MYO16: variants seen among roughly 807,000 people sequenced by gnomAD.
MYO16 encodes myosin XVI, also known as unconventional myosin-XVI.
MYO16 carries 94 observed loss-of-function variants against 205.3 expected under a neutral mutation model. That is an observed-to-expected ratio of 0.46 (90% CI 0.39 to 0.54). The LOEUF is 0.54. MYO16 is among the 20% of genes least tolerant of loss of function. The pLI is 0.00. For missense variants in MYO16, 2,315 were observed against 2,387.5 expected, an observed-to-expected ratio of 0.97 and a Z score of 0.63; for synonymous variants, 988 against 954.0, an observed-to-expected ratio of 1.04 and a Z score of -0.66.
intron 16 of MYO16, among the ~76,000 whole-genome samples, chr13:108,954,141 A>G (rs1883258059): frequency 6.6e-6 from 1 of 152,240 alleles, no homozygotes. Context: ...ATTCTAGGCT[A>G]AAAAGTAAAA....
At chr13:108,951,048 GT>G (rs1344303469) in intron 16 of MYO16, among the ~76,000 whole-genome samples, 1 of 120,306 alleles carries the variant, frequency 8.3e-6, no homozygotes, top group Non-Finnish European at 1.9e-5. Context: ...ACGTTTTTTT[GT>G]TTTTGTTTTT....
At chr13:109,176,667 C>G (rs7987496) in intron 33 of MYO16, among the ~76,000 whole-genome samples, 36,208 of 146,780 alleles carry the variant, frequency 0.25, 6,529 homozygotes, top group East Asian at 0.55. Flanking sequence ...CAAAATGTTA[C>G]TGCGTTGGCC....
At chr13:109,135,485 G>A (rs1325883846) in intron 31 of MYO16, among the ~76,000 whole-genome samples, 1 of 152,176 alleles carries the variant, frequency 6.6e-6, no homozygotes, top group Admixed American at 6.5e-5. Flanking sequence ...CCTTATCAGG[G>A]TTGTGTTGTT....
intron 14 of MYO16, among the ~76,000 whole-genome samples, chr13:108,891,626 T>A (rs889950960): frequency 6.6e-6 from 1 of 152,212 alleles, no homozygotes; most frequent in African/African-American, 2.4e-5. Context: ...GATTTCAAAG[T>A]GCGATATTGC....
intron 2 of MYO16, among the ~76,000 whole-genome samples, chr13:108,692,896 C>G (rs183014686): frequency 6.6e-6 from 1 of 152,228 alleles, no homozygotes; most frequent in East Asian, 1.9e-4. Context: ...AGCTCCGTCT[C>G]CATGGAGTCA....
At chr13:108,593,565 G>C (rs1878460040), upstream of MYO16, among the ~76,000 whole-genome samples, 3 of 152,278 alleles carry the variant, frequency 2.0e-5, no homozygotes, top group South Asian at 6.2e-4. Flanking sequence ...GGGAAATAAA[G>C]ACTATGGTTT....
At chr13:108,732,265 G>C (rs1236572588) in intron 4 of MYO16, among the ~76,000 whole-genome samples, 1 of 152,098 alleles carries the variant, frequency 6.6e-6, no homozygotes, top group Non-Finnish European at 1.5e-5. Context: ...GTACTCAAGG[G>C]AGTCAGCAGT....
chr13:108,627,381 C>A (rs1879783796), upstream of MYO16, among the ~76,000 whole-genome samples: 1 of 152,140 alleles, frequency 6.6e-6, no homozygotes. Context: ...TATCCTCCTT[C>A]AACTCCTCAA....
chr13:108,793,776 GGAAAACAC>G, intron 6 of MYO16, 136 bp downstream of exon 6: 2 of 1,014,772 alleles, frequency 2.0e-6, no homozygotes, highest in Non-Finnish European at 2.8e-6. Context: ...TAGAAGTTTT[GGAAAACAC>G]CTAAGTAAGC....
chr13:108,617,207 A>AT (rs1310227275), intron 1 of MYO16, among the ~76,000 whole-genome samples: 6 of 152,076 alleles, frequency 3.9e-5, no homozygotes, highest in Admixed American at 3.9e-4. Context: ...GGCCTGTGAG[A>AT]TCCCCAAGAG....
intron 1 of MYO16, among the ~76,000 whole-genome samples, chr13:108,648,605 A>G (rs1299008383): frequency 6.6e-6 from 1 of 151,562 alleles, no homozygotes; most frequent in Non-Finnish European, 1.5e-5. Flanking sequence ...AATACAAAAT[A>G]TAAACTCTTG....
At chr13:108,554,775 G>A in the MYO16 span, among the ~76,000 whole-genome samples, 1 of 149,452 alleles carries the variant, frequency 6.7e-6, no homozygotes, top group South Asian at 2.1e-4. Context: ...ACGTGAACCC[G>A]GGAAGCAGAG....
intron 15 of MYO16, among the ~76,000 whole-genome samples, chr13:108,901,579 C>A (rs370816481): frequency 6.6e-6 from 1 of 152,118 alleles, no homozygotes; most frequent in African/African-American, 2.4e-5. Flanking sequence ...GTTTATTTTT[C>A]TCTTATGGAA....
chr13:108,926,581 C>T (rs894673182), intron 16 of MYO16, among the ~76,000 whole-genome samples: 1 of 152,006 alleles, frequency 6.6e-6, no homozygotes, highest in African/African-American at 2.4e-5. Context: ...CTCCCGAGGG[C>T]TTCATGAAAA....
At chr13:109,168,400 A>G (rs193110261) in intron 33 of MYO16, among the ~76,000 whole-genome samples, 30 of 152,254 alleles carry the variant, frequency 2.0e-4, no homozygotes, top group Admixed American at 1.0e-3. Context: ...AAAGCAGCAA[A>G]AACAGTGCTC....
intron 27 of MYO16, among the ~76,000 whole-genome samples, chr13:109,059,114 T>A (rs923708092): frequency 6.6e-6 from 1 of 152,220 alleles, no homozygotes; most frequent in Non-Finnish European, 1.5e-5. Flanking sequence ...CACTGGCGTA[T>A]TGAACCCCTC....
intron 4 of MYO16, chr13:108,779,881 A>G (rs1886245363): frequency 6.6e-6 from 1 of 152,216 alleles, no homozygotes; most frequent in Non-Finnish European, 1.5e-5. Context: ...CAGGATCAAG[A>G]AAACAGAGCA....
the MYO16 span, among the ~76,000 whole-genome samples, chr13:108,548,611 G>A: frequency 6.6e-6 from 1 of 151,992 alleles, no homozygotes; most frequent in Non-Finnish European, 1.5e-5. Flanking sequence ...TGAAGATAAT[G>A]GTGTGGATGA....
chr13:108,607,052 T>C (rs1315445100), intron 1 of MYO16, among the ~76,000 whole-genome samples: 1 of 152,208 alleles, frequency 6.6e-6, no homozygotes, highest in African/African-American at 2.4e-5. Flanking sequence ...ACTTCTTCCA[T>C]TGGAACTGGT....
Sources: allele counts gnomAD v4.1 joint callset (sites outside exome capture counted in the v4.1 genomes callset), GRCh38; gene constraint gnomAD v4.1.1; transcripts MANE v1.5; gene names NCBI Gene and HGNC (gene_info 2026-07-23, HGNC 2026-07-21).